The following PPP1R1C variants were observed in gnomAD, a reference collection of about 807,000 sequenced individuals.
The protein encoded by PPP1R1C is protein phosphatase 1 regulatory inhibitor subunit 1C.
In PPP1R1C, 15 loss-of-function variants were observed where a neutral mutation model predicts 17.4. That is an observed-to-expected ratio of 0.86 (90% CI 0.58 to 1.33). PPP1R1C has a LOEUF of 1.33. Ranked by LOEUF, PPP1R1C falls within the 40% of genes most tolerant of loss-of-function variation. PPP1R1C has a pLI of 0.00. For missense variants in PPP1R1C, 143 were observed against 130.0 expected, an observed-to-expected ratio of 1.10 and a Z score of -0.48; for synonymous variants, 35 against 43.1, an observed-to-expected ratio of 0.81 and a Z score of 0.73.
intron 2 of PPP1R1C, among the ~76,000 whole-genome samples, chr2:182,030,395 T>A (rs1414727819): frequency 2.0e-5 from 3 of 151,832 alleles, no homozygotes; most frequent in East Asian, 1.9e-4. Context: ...GTTTTTGGTG[T>A]GGATGTCCTT....
At chr2:182,007,686 G>A (rs953113113) in intron 2 of PPP1R1C, among the ~76,000 whole-genome samples, 5 of 152,226 alleles carry the variant, frequency 3.3e-5, no homozygotes, top group Admixed American at 6.5e-5. Context: ...AGTGCCTGGA[G>A]ACTAGGAGTT....
intron 2 of PPP1R1C, among the ~76,000 whole-genome samples, chr2:182,033,897 TTA>T (rs1686921952): frequency 6.6e-6 from 1 of 152,214 alleles, no homozygotes; most frequent in Admixed American, 6.5e-5. Flanking sequence ...CAGAAAAGTT[TTA>T]GAAATGTATC....
At chr2:182,025,432 G>T (rs374705979) in intron 2 of PPP1R1C, among the ~76,000 whole-genome samples, 1 of 135,482 alleles carries the variant, frequency 7.4e-6, no homozygotes, top group Non-Finnish European at 1.6e-5. Flanking sequence ...TTGTTCAATT[G>T]CCACCTATGA....
intron 2 of PPP1R1C, among the ~76,000 whole-genome samples, chr2:182,024,954 T>TC (rs1686551905): frequency 1.5e-5 from 2 of 135,456 alleles, no homozygotes; most frequent in African/African-American, 3.1e-5. Context: ...ATATTCTTCT[T>TC]TTTTTTTTTT....
At chr2:181,999,340 C>G (rs1023489453) in intron 2 of PPP1R1C, among the ~76,000 whole-genome samples, 4 of 152,144 alleles carry the variant, frequency 2.6e-5, no homozygotes, top group African/African-American at 9.7e-5. Context: ...TTCTATAATA[C>G]ATGTCCTTAC....
Position 181,961,951 on chromosome 2 carries a change from C to G in PPP1R1C, n.111+7317C>G. 1 of 738,366 alleles carries G rather than the reference C, an allele frequency of 1.4e-6. No individual in the cohort carries two copies. Among genetic ancestry groups the G allele is most frequent in the African/African-American group, 1.7e-5 (1 of 58,424 alleles). The allele number at this position is 738,366 out of a possible 1,614,324, so 45.7% of individuals were successfully genotyped here. A position where few individuals can be genotyped will look rare whatever the true frequency, so the allele number is the denominator to read the frequency against. ...GCCCATGGATGTCACTCCCCACAGA[C>G]GGGTGCATGGCCAGCTCTGTCTCAT... is the stretch of plus-strand genomic sequence containing the variant. On this transcript the variant is annotated intron_variant and non_coding_transcript_variant, in intron 1 of 5. Coordinates refer to the PPP1R1C transcript ENST00000464264. The surrounding 1 kb of genome is among the most constrained non-coding windows in gnomAD (Gnocchi z 5.8).
intron 4 of PPP1R1C, among the ~76,000 whole-genome samples, chr2:182,107,201 T>C (rs1345421313): frequency 6.6e-6 from 1 of 152,160 alleles, no homozygotes; most frequent in East Asian, 1.9e-4. Context: ...CTTTATTAAT[T>C]TTTAAAATTT....
intron 2 of PPP1R1C, among the ~76,000 whole-genome samples, chr2:182,005,496 T>C (rs1279003696): frequency 6.6e-6 from 1 of 152,204 alleles, no homozygotes; most frequent in Non-Finnish European, 1.5e-5. Flanking sequence ...TATCTTTCAT[T>C]TTCAATTTTT....
downstream of PPP1R1C, chr2:182,131,066 C>T (rs1309322452): frequency 5.3e-5 from 8 of 152,274 alleles, no homozygotes; most frequent in East Asian, 1.5e-3. Context: ...TAGACATTGT[C>T]ATCATAAACA....
intron 4 of PPP1R1C, among the ~76,000 whole-genome samples, chr2:182,082,150 C>CACA (rs1688499430): frequency 6.6e-6 from 1 of 152,092 alleles, no homozygotes; most frequent in Non-Finnish European, 1.5e-5. Context: ...ACATTTTTTA[C>CACA]ACTTAATCTT....
At chr2:182,019,930 T>C (rs16822344) in intron 2 of PPP1R1C, among the ~76,000 whole-genome samples, 2,695 of 152,318 alleles carry the variant, frequency 0.018, 68 homozygotes, top group African/African-American at 0.061. Flanking sequence ...TATAGATCCA[T>C]CTCTGTAACA....
chr2:182,110,935 G>A (rs1298705985), intron 4 of PPP1R1C, among the ~76,000 whole-genome samples: 1 of 151,958 alleles, frequency 6.6e-6, no homozygotes, highest in Non-Finnish European at 1.5e-5. Flanking sequence ...GGCACTAGAG[G>A]GGCACATGAC....
At chr2:182,087,277 T>TATAC (rs1463608659) in intron 4 of PPP1R1C, among the ~76,000 whole-genome samples, 1 of 152,218 alleles carries the variant, frequency 6.6e-6, no homozygotes, top group African/African-American at 2.4e-5. Context: ...CCAGGAGCTG[T>TATAC]AGCCTGTGAC....
At chr2:182,074,156 C>T (rs553685925) in intron 4 of PPP1R1C, among the ~76,000 whole-genome samples, 1 of 151,658 alleles carries the variant, frequency 6.6e-6, no homozygotes, top group African/African-American at 2.4e-5. Context: ...ATTCTTCTGC[C>T]TCAGCCTCCC....
At chr2:181,969,509 T>C (rs1684964963) in intron 1 of PPP1R1C, among the ~76,000 whole-genome samples, 1 of 152,216 alleles carries the variant, frequency 6.6e-6, no homozygotes, top group South Asian at 2.1e-4. Flanking sequence ...TTGTTTTCTT[T>C]TTCCCTCTTG....
chr2:182,128,642 AC>A (rs1689933936), intron 5 of PPP1R1C, among the ~76,000 whole-genome samples: 1 of 81,276 alleles, frequency 1.2e-5, no homozygotes, highest in South Asian at 3.9e-4. Flanking sequence ...ATATGTATGT[AC>A]GTATGTATAT....
chr2:182,017,078 A>C (rs1686282877), intron 2 of PPP1R1C, among the ~76,000 whole-genome samples: 1 of 152,192 alleles, frequency 6.6e-6, no homozygotes, highest in Admixed American at 6.5e-5. Flanking sequence ...TTTGCCAAAT[A>C]CTTGGTAGGC....
At chr2:182,060,851 A>G (rs1428025017) in intron 2 of PPP1R1C, among the ~76,000 whole-genome samples, 1 of 152,142 alleles carries the variant, frequency 6.6e-6, no homozygotes, top group East Asian at 1.9e-4. Flanking sequence ...TGGAAGGGGC[A>G]TGTGTAAGCA....
At chr2:182,013,706 T>C (rs1043644934) in intron 2 of PPP1R1C, among the ~76,000 whole-genome samples, 2 of 152,158 alleles carry the variant, frequency 1.3e-5, no homozygotes, top group African/African-American at 4.8e-5. Flanking sequence ...CTTGCAGGCA[T>C]GCTTAATTCT....
Sources: allele counts gnomAD v4.1 joint callset (sites outside exome capture counted in the v4.1 genomes callset), GRCh38; gene constraint gnomAD v4.1.1; non-coding constraint Gnocchi (gnomAD v3.1); transcripts MANE v1.5; gene names NCBI Gene and HGNC (gene_info 2026-07-23, HGNC 2026-07-21).